The following MTUS2 variants were observed in gnomAD, a reference collection of about 807,000 sequenced individuals.
The protein encoded by MTUS2 is microtubule associated scaffold protein 2, also known as microtubule-associated tumor suppressor candidate 2.
MTUS2 carries 40 observed loss-of-function variants against 114.1 expected under a neutral mutation model. That is an observed-to-expected ratio of 0.35 (90% CI 0.27 to 0.46). MTUS2 has a LOEUF of 0.46. Among genes scored for constraint, MTUS2 ranks in the 20% least tolerant of loss-of-function variants. The pLI is 1.00. For missense variants in MTUS2, 1,679 were observed against 1,705.4 expected (o/e 0.98, Z 0.27); for synonymous variants, 688 against 672.0 (o/e 1.02, Z -0.37).
At chr13:29,360,746 C>T (rs1460595404) in intron 8 of MTUS2, among the ~76,000 whole-genome samples, 2 of 135,250 alleles carry the variant, frequency 1.5e-5, no homozygotes. Flanking sequence ...GCCCAAGAGG[C>T]CTGACTGGCC....
chr13:28,946,287 G>T (rs1882524466), intron 2 of MTUS2, among the ~76,000 whole-genome samples: 1 of 151,762 alleles, frequency 6.6e-6, no homozygotes. Context: ...GTGTGTGTGT[G>T]TGTGTGTGTG....
chr13:28,981,869 G>A (rs142112418), intron 2 of MTUS2, among the ~76,000 whole-genome samples: 87 of 152,290 alleles, frequency 5.7e-4, no homozygotes, highest in African/African-American at 1.8e-3. Flanking sequence ...CCACCATTGT[G>A]TCACCCCGAG....
At chr13:29,488,085 C>T in intron 11 of MTUS2, 80 bp downstream of exon 11, 1 of 1,074,432 alleles carries the variant, frequency 9.3e-7, no homozygotes, top group South Asian at 1.3e-5. Flanking sequence ...TGTGGAGCCC[C>T]CCTTCCTCTC....
intron 1 of MTUS2, among the ~76,000 whole-genome samples, chr13:28,832,589 G>A (rs1409380581): frequency 6.7e-6 from 1 of 149,106 alleles, no homozygotes; most frequent in Non-Finnish European, 1.5e-5. Flanking sequence ...CCTTAATAAT[G>A]TAAAGAAAGA....
At chr13:28,901,055 T>C (rs3001949) in intron 2 of MTUS2, among the ~76,000 whole-genome samples, 28,078 of 152,180 alleles carry the variant, frequency 0.18, 4,033 homozygotes, top group African/African-American at 0.4. Context: ...GGTGTTGCTA[T>C]TTCCTATTTT....
chr13:29,433,340 A>G (rs1877152166), intron 8 of MTUS2, among the ~76,000 whole-genome samples: 1 of 152,244 alleles, frequency 6.6e-6, no homozygotes, highest in Admixed American at 6.5e-5. Context: ...ACTGAAATGT[A>G]TTGAAGAGTA....
rs1368429953 is a variant in MTUS2, at chr13:29,480,149, G to A, written c.3185-1G>A. 1 of 1,552,514 alleles carries A rather than the reference G, an allele frequency of 6.4e-7. No homozygotes were observed. Among genetic ancestry groups the A allele is most frequent in the South Asian group, 1.2e-5 (1 of 84,048 alleles). On this transcript the variant is annotated splice_acceptor_variant, in intron 9 of 15. Transcript: ENST00000612955. LOFTEE classifies it high-confidence loss of function. This position sits in a 1 kb window ranked among gnomAD's most constrained non-coding sequence, Gnocchi z 4.4. ...AGAAAGATCTTGTGCTTTGCGCCCA[G>A]CCTTCCATACAGCAAAGTGCGAGAA...
intron 7 of MTUS2, among the ~76,000 whole-genome samples, chr13:29,333,944 C>T (rs181032382): frequency 6.6e-6 from 1 of 152,160 alleles, no homozygotes; most frequent in Admixed American, 6.5e-5. Flanking sequence ...TTATATAATG[C>T]CCTTCTTTGC....
At position 29,497,709 on chromosome 13, in the gene MTUS2, G is replaced by A. The variant is rs538948454; in HGVS notation, c.3678+373G>A. 5 of 227,152 alleles carry A rather than the reference G, an allele frequency of 2.2e-5. No individual in the cohort carries two copies. In the South Asian group the frequency reaches 2.7e-4, roughly 12 times the overall value. 14.1% of individuals were successfully genotyped at this position (227,152 alleles called of 1,614,324 possible). A position where few individuals can be genotyped will look rare whatever the true frequency, so the allele number is the denominator to read the frequency against. On this transcript the variant is annotated intron_variant, in intron 13 of 15. Transcript: ENST00000612955. ...TGGGGCAGCCTTGGCTGCAGCATGC[G>A]TTCAGTTGAGGGGAATTTTTTCCAG...
intron 2 of MTUS2, among the ~76,000 whole-genome samples, chr13:29,000,268 G>T (rs2138378710): frequency 6.6e-6 from 1 of 152,224 alleles, no homozygotes; most frequent in East Asian, 1.9e-4. Flanking sequence ...GAAATTCTTT[G>T]ACTTTTGTTT....
At position 29,216,461 on chromosome 13, in the gene MTUS2, A is replaced by G. The variant is rs78663348; in HGVS notation, c.2645-65243A>G. Among the ~76,000 whole-genome samples the G allele has an allele frequency of 1.5e-3, 233 of 152,292 alleles. 3 individuals carry two copies. Among genetic ancestry groups the G allele is most frequent in the African/African-American group, 5.2e-3 (215 of 41,556 alleles). ...CGCAGCTAGCTCGGTGTCTTCCCCA[A>G]TAGCTGCTCTATTTTGTGCTTGAAA... On this transcript the variant is annotated intron_variant, in intron 5 of 15. Transcript: ENST00000612955.
chr13:29,153,528 C>T (rs1892741700), intron 5 of MTUS2, among the ~76,000 whole-genome samples: 1 of 152,114 alleles, frequency 6.6e-6, no homozygotes, highest in Non-Finnish European at 1.5e-5. Context: ...GTCCATGATT[C>T]TTTCCCATTG....
At chr13:28,986,148 C>T (rs764907729) in intron 2 of MTUS2, among the ~76,000 whole-genome samples, 1 of 151,654 alleles carries the variant, frequency 6.6e-6, no homozygotes, top group Non-Finnish European at 1.5e-5. Flanking sequence ...TAGGATGGCC[C>T]AGGCTTGGGT....
Position 29,444,297 on chromosome 13 carries a change from T to G in MTUS2, c.3184+4248T>G, listed in dbSNP as rs540737712. Among the ~76,000 whole-genome samples the G allele has an allele frequency of 1.7e-3, 262 of 152,200 alleles. 2 individuals are homozygous for G. Among genetic ancestry groups the G allele is most frequent in the Non-Finnish European group, 9.9e-4 (67 of 67,998 alleles). On this transcript the variant is annotated intron_variant, in intron 9 of 15. Transcript: ENST00000612955. Reference sequence around the variant, plus strand: ...ATTAAAAATTAGCTAGGTGTGGTGGTGGGTGCCTGTAATCCCAGCTAGTGA... The same window carrying G: ...ATTAAAAATTAGCTAGGTGTGGTGGGGGGTGCCTGTAATCCCAGCTAGTGA...
Position 29,280,068 on chromosome 13 carries a change from A to C in MTUS2, c.2645-1636A>C, listed in dbSNP as rs138185258. ...TAGTGGTTGAGCCATGCCCCATGTGAAAATATCATTCAATTCCTGAGAGAG... is the reference window on the plus strand; with the variant it reads ...TAGTGGTTGAGCCATGCCCCATGTGCAAATATCATTCAATTCCTGAGAGAG... On this transcript the variant is annotated intron_variant, in intron 5 of 15. Transcript: ENST00000612955. 5.9e-5 allele frequency among the ~76,000 whole-genome samples: 9 copies of C among 152,322 alleles called. No individual in the cohort carries two copies. In the East Asian group the frequency reaches 1.7e-3, roughly 29 times the overall value.
At chr13:29,006,393 A>G (rs1346720124) in intron 2 of MTUS2, among the ~76,000 whole-genome samples, 1 of 152,204 alleles carries the variant, frequency 6.6e-6, no homozygotes, top group African/African-American at 2.4e-5. Flanking sequence ...GTGACATAAT[A>G]TATACTCCGT....
At chr13:29,110,398 G>A (rs574247962) in intron 5 of MTUS2, among the ~76,000 whole-genome samples, 1 of 152,300 alleles carries the variant, frequency 6.6e-6, no homozygotes, top group South Asian at 2.1e-4. Context: ...CCCAATTTGG[G>A]TGGGTGAAAA....
intron 1 of MTUS2, among the ~76,000 whole-genome samples, chr13:28,838,324 CT>C (rs1407920882): frequency 6.6e-6 from 1 of 152,174 alleles, no homozygotes; most frequent in Non-Finnish European, 1.5e-5. Context: ...ATTCCACTAG[CT>C]TTTACTTCCA....
chr13:29,457,742 A>G (rs185815924), intron 9 of MTUS2, among the ~76,000 whole-genome samples: 13 of 152,258 alleles, frequency 8.5e-5, no homozygotes, highest in Admixed American at 2.6e-4. Context: ...AAATGGTTGT[A>G]CCATTTTGCA....
Sources: allele counts gnomAD v4.1 joint callset (sites outside exome capture counted in the v4.1 genomes callset), GRCh38; gene constraint gnomAD v4.1.1; non-coding constraint Gnocchi (gnomAD v3.1); transcripts MANE v1.5; gene names NCBI Gene and HGNC (gene_info 2026-07-23, HGNC 2026-07-21).